Variants in ZHX1 observed in about 807,000 individuals in gnomAD.
ZHX1 encodes the protein zinc fingers and homeoboxes 1.
In ZHX1, 20 loss-of-function variants were observed where a neutral mutation model predicts 61.8. That is an observed-to-expected ratio of 0.32 (90% CI 0.23 to 0.47). The LOEUF is 0.47. Ranked by LOEUF, ZHX1 falls within the 20% of genes least tolerant of loss-of-function variation. The pLI is 1.00. For synonymous variants in ZHX1, 318 were observed against 352.6 expected, an observed-to-expected ratio of 0.90 and a Z score of 1.10; for missense variants, 800 against 1,034.8, an observed-to-expected ratio of 0.77 and a Z score of 3.11.
intron 1 of ZHX1, among the ~76,000 whole-genome samples, chr8:123,269,842 A>G (rs1330633651): frequency 6.6e-6 from 1 of 152,224 alleles, no homozygotes; most frequent in Non-Finnish European, 1.5e-5. Flanking sequence ...ACAAGTGATA[A>G]AATACTTTAA....
intron 2 of ZHX1, among the ~76,000 whole-genome samples, chr8:123,258,574 T>C (rs998926607): frequency 1.3e-5 from 2 of 152,170 alleles, no homozygotes; most frequent in African/African-American, 2.4e-5. Context: ...CTCATTAATG[T>C]TGCATTCCCA....
At chr8:123,275,014 C>T (rs762753285), upstream of ZHX1, among the ~76,000 whole-genome samples, 104 of 152,322 alleles carry the variant, frequency 6.8e-4, no homozygotes, top group Middle Eastern at 3.4e-3. Flanking sequence ...GACCCCGCTC[C>T]TCCGCGGGCC....
At chr8:123,262,943 AAAAG>A (rs1380156159) in intron 2 of ZHX1, 8 of 151,596 alleles carry the variant, frequency 5.3e-5, no homozygotes, top group African/African-American at 1.2e-4. Context: ...TAAAAAAAAA[AAAAG>A]AAAGAAAAGA....
chr8:123,261,143 T>A (rs1214552454), intron 2 of ZHX1, among the ~76,000 whole-genome samples: 1 of 151,716 alleles, frequency 6.6e-6, no homozygotes, highest in Non-Finnish European at 1.5e-5. Flanking sequence ...CCCAAAAGAG[T>A]TTCAAGATTT....
At chr8:123,270,602 A>G (rs1826616579) in intron 1 of ZHX1, among the ~76,000 whole-genome samples, 1 of 151,814 alleles carries the variant, frequency 6.6e-6, no homozygotes, top group South Asian at 2.1e-4. Context: ...GCAACACAGT[A>G]AGACCCTATC....
At chr8:123,268,001 CTAAATAAA>C (rs927517767) in intron 1 of ZHX1, among the ~76,000 whole-genome samples, 4 of 151,506 alleles carry the variant, frequency 2.6e-5, no homozygotes, top group Non-Finnish European at 5.9e-5. Context: ...AACTCTGACT[CTAAATAAA>C]TAAATAAATA....
At chr8:123,270,051 A>G (rs1826594400) in intron 1 of ZHX1, among the ~76,000 whole-genome samples, 1 of 152,218 alleles carries the variant, frequency 6.6e-6, no homozygotes, top group Admixed American at 6.5e-5. Context: ...ATTTCATAGA[A>G]CTAGCAAACA....
upstream of ZHX1, chr8:123,274,545 C>G (rs1438555297): frequency 1.3e-5 from 2 of 152,240 alleles, no homozygotes; most frequent in Non-Finnish European, 2.9e-5. Context: ...CCCTGCTACT[C>G]CACTGGGGTC....
In ZHX1 at chr8:123,255,139, G is replaced by A. The variant is rs753622216; in HGVS notation, c.808C>T (p.Gln270Ter). The A allele has an allele frequency of 6.2e-7, 1 of 1,614,062 alleles. No homozygotes were observed. The highest frequency in any genetic ancestry group is 8.5e-7 in the Non-Finnish European group (1 of 1,180,030). Reference sequence around the variant, plus strand: ...TTGGGAATCAAATTAGAATTCTGCTGAGCAGATACAGCAGTTATCACCTGT... The same window carrying A: ...TTGGGAATCAAATTAGAATTCTGCTAAGCAGATACAGCAGTTATCACCTGT... ...LAQVITAVSA[Q>*]QNSNLIPKVL... Residue 270 changes from glutamine (Q) to a stop codon, truncating the protein, a stop_gained, in exon 3 of 4, where the codon CAG becomes TAG. Coordinates refer to ENST00000395571, the MANE Select transcript of ZHX1 (RefSeq NM_007222.5). LOFTEE classifies it high-confidence loss of function.
chr8:123,251,524 C>T (rs1435360152), intron 3 of ZHX1, among the ~76,000 whole-genome samples: 1 of 151,778 alleles, frequency 6.6e-6, no homozygotes, highest in Non-Finnish European at 1.5e-5. Context: ...CTAAACTGTA[C>T]AGAAAAATTC....
At position 123,255,095 on chromosome 8, in the gene ZHX1, A is replaced by G; in HGVS notation, c.852T>C (p.Asn284=). 1.2e-6 allele frequency: 2 copies of G among 1,614,204 alleles called. No homozygotes were observed. The highest frequency in any genetic ancestry group is 8.5e-7 in the Non-Finnish European group (1 of 1,180,012). ...ATGCAGCATTGTAGGTGGGAATGCT[A>G]TTAACAGGGATTAAGACTTTGGGAA... ...NLIPKVLIPV[N]SIPTYNAALD... is the part of the protein sequence containing the mutation. The change falls in exon 3 of 4, where the codon AAT becomes AAC. Residue 284 remains asparagine (N), a synonymous_variant. Transcript: ENST00000395571.
intron 2 of ZHX1, among the ~76,000 whole-genome samples, chr8:123,264,931 G>A (rs902588354): frequency 4.1e-5 from 6 of 147,462 alleles, no homozygotes. Flanking sequence ...GCTCACGCAT[G>A]TAATCCCAGC....
At position 123,254,626 on chromosome 8, in the gene ZHX1, T is replaced by G. The variant is rs774538058; in HGVS notation, c.1321A>C (p.Lys441Gln). ...GTTGGAACTGCTGCTGTTGCTGGCT[T>G]TGTTTCTGCAGTAGGCTGAGCAGCA... ...VPAAQPTAETKPATAAVPTSQ... is the reference protein window; with the variant it reads ...VPAAQPTAETQPATAAVPTSQ... Residue 441 changes from lysine to glutamine, a missense_variant, in exon 3 of 4, where the codon AAG becomes CAG. Lys to Gln is a moderately conservative substitution (Grantham distance 53, BLOSUM62 1). Transcript: ENST00000395571. The surrounding 1 kb of genome is among the most constrained non-coding windows in gnomAD (Gnocchi z 4.1). The G allele has an allele frequency of 3.7e-6, 6 of 1,614,082 alleles. No individual in the cohort carries two copies. The African/African-American group carries it at 8.0e-5, about 22-fold the overall frequency.
chr8:123,264,852 C>A (rs1243860471), intron 2 of ZHX1, among the ~76,000 whole-genome samples: 1 of 149,158 alleles, frequency 6.7e-6, no homozygotes. Context: ...ACCCACTGTG[C>A]CTGGCCACAA....
At chr8:123,257,979 C>T (rs1783357779) in intron 2 of ZHX1, among the ~76,000 whole-genome samples, 1 of 152,208 alleles carries the variant, frequency 6.6e-6, no homozygotes, top group Non-Finnish European at 1.5e-5. Context: ...GCACCACCAT[C>T]CATATCTGTG....
chr8:123,269,096 G>A (rs1240657050), intron 1 of ZHX1, among the ~76,000 whole-genome samples: 1 of 152,082 alleles, frequency 6.6e-6, no homozygotes, highest in Non-Finnish European at 1.5e-5. Flanking sequence ...TCATTTCCTG[G>A]TATCTCCTTG....
rs372444054 is a variant in ZHX1 at position 123,255,294 on chromosome 8, C to T, written c.653G>A (p.Arg218His). The change falls in exon 3 of 4, where the codon CGT (arginine) becomes CAT (histidine). Residue 218 changes from arginine (R) to histidine (H), a missense_variant. By Grantham distance (29) the Arg-to-His change is conservative. Coordinates refer to ENST00000395571, the MANE Select transcript of ZHX1 (RefSeq NM_007222.5). ...EEKENEIKPD[R>H]EEIVENPSSS... ...ACTTGGATTTTCTACAATTTCTTCA[C>T]GGTCTGGTTTGATTTCATTCTCTTT... The T allele has an allele frequency of 2.4e-5, 39 of 1,614,032 alleles. No individual in the cohort carries two copies. Among genetic ancestry groups the T allele is most frequent in the African/African-American group, 6.7e-5 (5 of 74,928 alleles).
At chr8:123,260,410 C>G (rs1168556890) in intron 2 of ZHX1, among the ~76,000 whole-genome samples, 1 of 151,316 alleles carries the variant, frequency 6.6e-6, no homozygotes, top group African/African-American at 2.4e-5. Flanking sequence ...ACCAGGCTGG[C>G]CAACATGGTG....
intron 2 of ZHX1, among the ~76,000 whole-genome samples, chr8:123,261,664 A>G (rs1197046260): frequency 6.6e-6 from 1 of 152,188 alleles, no homozygotes; most frequent in Non-Finnish European, 1.5e-5. Flanking sequence ...TCCCTGGGGG[A>G]AAAAGAAATA....
Sources: allele counts gnomAD v4.1 joint callset (sites outside exome capture counted in the v4.1 genomes callset), GRCh38; gene constraint gnomAD v4.1.1; non-coding constraint Gnocchi (gnomAD v3.1); transcripts MANE v1.5; gene names NCBI Gene and HGNC (gene_info 2026-07-23, HGNC 2026-07-21).